Variants in RAB5B observed in about 807,000 individuals in gnomAD.
RAB5B encodes RAB5B, member RAS oncogene family.
In RAB5B, 11 loss-of-function variants were observed where a neutral mutation model predicts 28.6. The ratio of observed to expected loss-of-function variants is 0.38; its 90% CI spans 0.24 to 0.64. The LOEUF is 0.64. Ranked by LOEUF, RAB5B falls within the 30% of genes least tolerant of loss-of-function variation. The probability of loss-of-function intolerance (pLI) is 0.53; values close to 1 mark genes in which losing one functional copy is unlikely to be tolerated. For missense variants in RAB5B, 169 were observed against 265.6 expected (o/e 0.64, Z 2.53); for synonymous variants, 93 against 97.9 (o/e 0.95, Z 0.29).
At position 55,986,927 on chromosome 12, in the gene RAB5B, T is replaced by G; in HGVS notation, c.-34T>G. On this transcript the variant is annotated 5_prime_UTR_variant, in exon 2 of 6. Transcript: ENST00000360299. Reference sequence around the variant, plus strand: ...CCCTCCCCCCTTTACAGTATCCCCCTCCCTCCACCCTTTCCCATTCTGATA... The same window carrying G: ...CCCTCCCCCCTTTACAGTATCCCCCGCCCTCCACCCTTTCCCATTCTGATA... 3.2e-6 allele frequency: 1 copy of G among 314,018 alleles called. No homozygotes were observed. The highest frequency in any genetic ancestry group is 5.1e-6 in the Non-Finnish European group (1 of 196,906). 19.5% of individuals were successfully genotyped at this position (314,018 alleles called of 1,614,324 possible).
Position 55,992,457 on chromosome 12 carries a change from C to T in RAB5B, c.*245C>T. The T allele has an allele frequency of 3.0e-6, 2 of 663,302 alleles. No individual in the cohort carries two copies. Among genetic ancestry groups the T allele is most frequent in the Non-Finnish European group, 5.5e-6 (2 of 360,516 alleles). The allele number at this position is 663,302 out of a possible 1,614,324, so 41.1% of individuals were successfully genotyped here. ...GGGGTCAACTCCCCCCAGGACTTAC[C>T]TTCCAAAACAAACTTTCTTCACTTT... is the stretch of plus-strand genomic sequence containing the variant. On this transcript the variant is annotated 3_prime_UTR_variant, in exon 6 of 6. Coordinates refer to ENST00000360299, the MANE Select transcript of RAB5B (RefSeq NM_002868.4).
Position 55,996,003 on chromosome 12 carries a change from A to ATATATATTTTTTTT in RAB5B, c.*3792_*3793insATATATTTTTTTTT. On this transcript the variant is annotated 3_prime_UTR_variant, in exon 6 of 6. Transcript: ENST00000360299. The stretch of plus-strand genomic sequence containing the variant: ...TATATACATATATATATATATATAT[A>ATATATATTTTTTTT]TTTTTTTTTTAACAACTGGTAGGAT... 4.4e-3 allele frequency: 428 copies of ATATATATTTTTTTT among 97,268 alleles called. 5 individuals carry two copies. Among genetic ancestry groups the ATATATATTTTTTTT allele is most frequent in the Non-Finnish European group, 7.0e-3 (353 of 50,374 alleles). 6.0% of individuals were successfully genotyped at this position (97,268 alleles called of 1,614,324 possible). A position where few individuals can be genotyped will look rare whatever the true frequency, so the allele number is the denominator to read the frequency against.
At chr12:55,980,590 G>A (rs1187150575) in intron 1 of RAB5B, 34 of 1,598,050 alleles carry the variant, frequency 2.1e-5, no homozygotes, top group African/African-American at 2.7e-5. Flanking sequence ...CACTAGTTTC[G>A]AAAAATCGGA....
chr12:55,983,268 C>T (rs11171715), intron 1 of RAB5B, among the ~76,000 whole-genome samples: 11,339 of 152,028 alleles, frequency 0.075, 469 homozygotes, highest in Non-Finnish European at 0.081. Context: ...TTAGTAGAGA[C>T]GGGGTTTCAC....
At chr12:55,981,084 G>T (rs1889794134) in intron 1 of RAB5B, 2 of 1,524,262 alleles carry the variant, frequency 1.3e-6, no homozygotes, top group African/African-American at 2.7e-5. Context: ...ATTTATTTTT[G>T]AGACGGAATC....
At chr12:55,981,990 C>T (rs552754261) in intron 1 of RAB5B, among the ~76,000 whole-genome samples, 3 of 151,922 alleles carry the variant, frequency 2.0e-5, no homozygotes, top group South Asian at 2.1e-4. Flanking sequence ...TTAATAGAGA[C>T]GGGGTTTCAC....
chr12:55,991,427 A>C lies in RAB5B; in HGVS notation c.506A>C (p.Asn169Thr). Reference sequence around the variant, plus strand: ...GAGACTTCAGCCAAGACAGCTATGAACGTGAATGATCTCTTCCTGGCAATA... The same window carrying C: ...GAGACTTCAGCCAAGACAGCTATGACCGTGAATGATCTCTTCCTGGCAATA... ...FMETSAKTAM[N>T]VNDLFLAIAK... Residue 169 changes from asparagine to threonine, a missense_variant, in exon 5 of 6, where the codon AAC becomes ACC. Physicochemically the swap from Asn to Thr is moderately conservative, Grantham distance 65. This residue lies in a region of RAB5B where 123 missense variants were observed against 162.4 expected (regional missense o/e 0.76). Coordinates refer to ENST00000360299, the MANE Select transcript of RAB5B (RefSeq NM_002868.4). The C allele has an allele frequency of 6.2e-7, 1 of 1,614,050 alleles. No homozygotes were observed.
chr12:55,989,581 A>G (rs1422062706), intron 2 of RAB5B, among the ~76,000 whole-genome samples: 1 of 152,180 alleles, frequency 6.6e-6, no homozygotes, highest in Non-Finnish European at 1.5e-5. Flanking sequence ...TGCCCAGCCC[A>G]ATCTTCTAAT....
chr12:55,983,562 G>A (rs1306139190), intron 1 of RAB5B, among the ~76,000 whole-genome samples: 1 of 151,098 alleles, frequency 6.6e-6, no homozygotes, highest in African/African-American at 2.4e-5. Context: ...TAATTGTCAT[G>A]TTCCTCTGTA....
chr12:55,988,159 AAAC>A (rs372043388), intron 2 of RAB5B, among the ~76,000 whole-genome samples: 77 of 151,792 alleles, frequency 5.1e-4, no homozygotes, highest in Middle Eastern at 3.4e-3. Context: ...CAAAAAAACA[AAAC>A]AACAACAACA....
chr12:55,986,174 C>T (rs566506149), intron 1 of RAB5B, among the ~76,000 whole-genome samples: 102 of 152,274 alleles, frequency 6.7e-4, no homozygotes, highest in Non-Finnish European at 1.1e-3. Context: ...AGGCCAGGCA[C>T]GGTGGCTCAT....
At chr12:55,991,503 A>T in intron 5 of RAB5B, 50 bp downstream of exon 5, 1 of 1,471,582 alleles carries the variant, frequency 6.8e-7, no homozygotes, top group Non-Finnish European at 9.5e-7. Flanking sequence ...TTTATAGGCA[A>T]AATTATAGCT....
intron 1 of RAB5B, chr12:55,980,931 TG>T: frequency 1.2e-6 from 2 of 1,613,630 alleles, no homozygotes; most frequent in Non-Finnish European, 1.7e-6. Context: ...ATGTAAGTGT[TG>T]TTGAAGTTGT....
Position 55,980,597 on chromosome 12 carries a change from C to T in RAB5B, c.-92-6272C>T, listed in dbSNP as rs149752114. 53 of 1,598,830 alleles carry T rather than the reference C, an allele frequency of 3.3e-5. No homozygotes were observed. In the Middle Eastern group the frequency reaches 6.6e-4, roughly 20 times the overall value. On this transcript the variant is annotated intron_variant, in intron 1 of 5. Coordinates refer to ENST00000360299, the MANE Select transcript of RAB5B (RefSeq NM_002868.4). The stretch of plus-strand genomic sequence containing the variant: ...GGATTTAGCACTAGTTTCGAAAAAT[C>T]GGATTCCATGCTCTCGAGCCAACTT...
intron 1 of RAB5B, among the ~76,000 whole-genome samples, chr12:55,982,731 A>G (rs1019911827): frequency 2.0e-4 from 30 of 152,168 alleles, no homozygotes; most frequent in African/African-American, 7.0e-4. Flanking sequence ...TTGACTTCCC[A>G]TCTCTGAGAG....
In RAB5B at chr12:55,982,203, G is replaced by A. The variant is rs558283116; in HGVS notation, c.-92-4666G>A. Among the ~76,000 whole-genome samples the A allele has an allele frequency of 5.9e-4, 88 of 149,662 alleles. 3 individuals carry two copies. The highest frequency in any genetic ancestry group is 5.7e-3 in the Admixed American group (86 of 15,118). ...CCCCATCTCCCTTTTTTTTGTCTCG[G>A]GTTTGAAGGTAATAATCATCATACC... On this transcript the variant is annotated intron_variant, in intron 1 of 5. Coordinates refer to ENST00000360299, the MANE Select transcript of RAB5B (RefSeq NM_002868.4).
rs1365255281 is a variant in RAB5B, at chr12:55,996,001, A to ATTTTTTT, written c.*3790_*3791insTTTTTTT. ...TATATATACATATATATATATATAT[A>ATTTTTTT]TATTTTTTTTTTAACAACTGGTAGG... is the stretch of plus-strand genomic sequence containing the variant. On this transcript the variant is annotated 3_prime_UTR_variant, in exon 6 of 6. Transcript: ENST00000360299. The ATTTTTTT allele has an allele frequency of 5.3e-4, 45 of 84,626 alleles. No individual in the cohort carries two copies. Among genetic ancestry groups the ATTTTTTT allele is most frequent in the South Asian group, 1.6e-3 (5 of 3,200 alleles). 5.2% of individuals were successfully genotyped at this position (84,626 alleles called of 1,614,324 possible). A position where few individuals can be genotyped will look rare whatever the true frequency, so the allele number is the denominator to read the frequency against.
intron 1 of RAB5B, among the ~76,000 whole-genome samples, chr12:55,981,991 G>T (rs955988549): frequency 6.6e-6 from 1 of 151,750 alleles, no homozygotes; most frequent in Non-Finnish European, 1.5e-5. Flanking sequence ...TAATAGAGAC[G>T]GGGTTTCACC....
chr12:55,991,830 G>C, intron 5 of RAB5B: 1 of 441,578 alleles, frequency 2.3e-6, no homozygotes, highest in Non-Finnish European at 4.1e-6. Context: ...GGGAGGCTGA[G>C]CCAGGATAAT....
Sources: allele counts gnomAD v4.1 joint callset (sites outside exome capture counted in the v4.1 genomes callset), GRCh38; gene constraint gnomAD v4.1.1; regional missense constraint gnomAD v4.1.1; transcripts MANE v1.5; gene names NCBI Gene and HGNC (gene_info 2026-07-23, HGNC 2026-07-21).